Variants in LVRN observed in about 807,000 individuals in gnomAD.
LVRN encodes aminopeptidase Q.
LVRN carries 99 observed loss-of-function variants against 111.4 expected under a neutral mutation model. The observed-to-expected ratio is 0.89, with a 90% CI of 0.76 to 1.05. The LOEUF (loss-of-function observed/expected upper bound fraction) is 1.05, where lower values mean the gene tolerates loss of function less well. Among genes scored for constraint, LVRN ranks in the 50% least tolerant of loss-of-function variants. LVRN has a pLI of 0.00. For missense variants in LVRN, 1,414 were observed against 1,206.8 expected (o/e 1.17, Z -2.54); for synonymous variants, 488 against 449.5 (o/e 1.09, Z -1.08).
At chr5:116,007,729 T>G (rs1367691474) in intron 13 of LVRN, among the ~76,000 whole-genome samples, 1 of 152,240 alleles carries the variant, frequency 6.6e-6, no homozygotes, top group African/African-American at 2.4e-5. Context: ...TGTTACAAAT[T>G]GAAGATTTGT....
At position 115,962,827 on chromosome 5, in the gene LVRN, G is replaced by T. The variant is rs745829324; in HGVS notation, c.210G>T (p.Pro70=). 3 of 1,612,608 alleles carry T rather than the reference G, an allele frequency of 1.9e-6. No individual in the cohort carries two copies. The African/African-American group carries it at 4.0e-5, about 22-fold the overall frequency. Residue 70 remains proline (P), a synonymous_variant, in exon 1 of 20, where the codon CCG becomes CCT. Coordinates refer to ENST00000357872, the MANE Select transcript of LVRN (RefSeq NM_173800.5). ...TCAGGCAGAAGCCGACGCCAACCCC[G>T]AAACCCAGCAGTGCACGCGAGCTAG... ...PPLRQKPTPT[P]KPSSARELAV...
At chr5:116,017,645 T>G (rs943421361) in intron 18 of LVRN, among the ~76,000 whole-genome samples, 5 of 152,238 alleles carry the variant, frequency 3.3e-5, no homozygotes, top group Non-Finnish European at 5.9e-5. Context: ...AGGAGAGTGC[T>G]AAATATGTAA....
At chr5:115,983,882 T>A (rs1007654135) in intron 2 of LVRN, among the ~76,000 whole-genome samples, 1 of 152,218 alleles carries the variant, frequency 6.6e-6, no homozygotes, top group African/African-American at 2.4e-5. Context: ...CCTACAGCTC[T>A]TACGTGGCAG....
At chr5:116,015,507 T>A (rs910476903) in intron 17 of LVRN, 88 bp downstream of exon 17, 1 of 1,475,586 alleles carries the variant, frequency 6.8e-7, no homozygotes, top group Non-Finnish European at 9.0e-7. Flanking sequence ...AATGTAAGTA[T>A]TAAAACGTTG....
At chr5:115,973,291 T>C in intron 1 of LVRN, among the ~76,000 whole-genome samples, 1 of 152,240 alleles carries the variant, frequency 6.6e-6, no homozygotes, top group East Asian at 1.9e-4. Context: ...TAATATATTA[T>C]TAGATTTGAT....
At chr5:115,971,877 CT>C (rs1753335098) in intron 1 of LVRN, among the ~76,000 whole-genome samples, 1 of 152,000 alleles carries the variant, frequency 6.6e-6, no homozygotes, top group Admixed American at 6.5e-5. Context: ...GGGATTTTGA[CT>C]GAGATTATGT....
At chr5:115,967,861 A>G (rs1004163961) in intron 1 of LVRN, among the ~76,000 whole-genome samples, 1 of 152,178 alleles carries the variant, frequency 6.6e-6, no homozygotes, top group Non-Finnish European at 1.5e-5. Flanking sequence ...AAATGGTATT[A>G]TATGTTTAAT....
intron 4 of LVRN, among the ~76,000 whole-genome samples, chr5:115,989,283 C>T (rs574783686): frequency 4.0e-4 from 61 of 152,278 alleles, no homozygotes; most frequent in Admixed American, 7.8e-4. Context: ...TTGGCAGTTC[C>T]TGAGTGGGAA....
intron 18 of LVRN, among the ~76,000 whole-genome samples, chr5:116,019,696 A>G (rs1350166342): frequency 1.3e-5 from 2 of 152,248 alleles, no homozygotes; most frequent in Admixed American, 1.3e-4. Context: ...CAGAATCATC[A>G]TCATGAGTAC....
At chr5:116,014,085 G>C (rs1033089201) in intron 15 of LVRN, among the ~76,000 whole-genome samples, 1 of 152,176 alleles carries the variant, frequency 6.6e-6, no homozygotes, top group Non-Finnish European at 1.5e-5. Context: ...GGCAATTGCA[G>C]TAAAAGACAG....
chr5:116,010,544 C>T, intron 13 of LVRN, 197 bp from the exon 14 acceptor site: 1 of 641,178 alleles, frequency 1.6e-6, no homozygotes, highest in Non-Finnish European at 2.9e-6. Context: ...TTGAAAGTAC[C>T]AAATTGAAAT....
chr5:115,969,799 CAAA>C (rs35835980), intron 1 of LVRN, among the ~76,000 whole-genome samples: 15 of 113,852 alleles, frequency 1.3e-4, no homozygotes, highest in Admixed American at 9.6e-4. Flanking sequence ...GACTCGATCT[CAAA>C]AAAAAAAAAA....
chr5:115,983,054 T>C (rs2112571068), intron 1 of LVRN, among the ~76,000 whole-genome samples: 1 of 152,262 alleles, frequency 6.6e-6, no homozygotes. Flanking sequence ...ATAAAACAAA[T>C]ATTATTTTGT....
Position 115,988,788 on chromosome 5 carries a change from G to A in LVRN, c.1105+849G>A, listed in dbSNP as rs1561559448. ...CCTCGGCCCATTCAGAAATCCTGGA[G>A]GAAACACCTATCACTCAGGGAGTTG... On this transcript the variant is annotated intron_variant, in intron 4 of 19. Transcript: ENST00000357872. 2.6e-5 allele frequency among the ~76,000 whole-genome samples: 4 copies of A among 152,148 alleles called. No individual in the cohort carries two copies. In the South Asian group the frequency reaches 6.2e-4, roughly 24 times the overall value.
chr5:115,980,882 C>A (rs1273806312), intron 1 of LVRN, among the ~76,000 whole-genome samples: 4 of 152,152 alleles, frequency 2.6e-5, no homozygotes, highest in Non-Finnish European at 5.9e-5. Flanking sequence ...TTTCTCCCAA[C>A]TTTAGATGAC....
chr5:116,024,004 ATTATGT>A (rs914638133), intron 19 of LVRN, among the ~76,000 whole-genome samples: 5 of 152,244 alleles, frequency 3.3e-5, no homozygotes, highest in Admixed American at 3.3e-4. Flanking sequence ...TATCAAGGTG[ATTATGT>A]TTAGTAAAAG....
chr5:115,967,619 A>G (rs185893163), intron 1 of LVRN, among the ~76,000 whole-genome samples: 1 of 152,250 alleles, frequency 6.6e-6, no homozygotes, highest in East Asian at 1.9e-4. Flanking sequence ...TGATATTCTT[A>G]TATATAGCTA....
In LVRN at chr5:116,024,387, C is replaced by CA. The variant is rs369800875; in HGVS notation, c.2833-1582dup. Among the ~76,000 whole-genome samples the CA allele has an allele frequency of 5.8e-3, 860 of 148,492 alleles. 15 individuals are homozygous for CA. Among genetic ancestry groups the CA allele is most frequent in the African/African-American group, 0.019 (783 of 40,438 alleles). ...TAAAGGCCTGAAATATGATCCTAAG[C>CA]AAAAAAAAAGGACAAGTAGACAGTG... On this transcript the variant is annotated intron_variant, in intron 19 of 19. Coordinates refer to ENST00000357872, the MANE Select transcript of LVRN (RefSeq NM_173800.5).
At chr5:115,979,850 T>A (rs1465910120) in intron 1 of LVRN, among the ~76,000 whole-genome samples, 1 of 152,200 alleles carries the variant, frequency 6.6e-6, no homozygotes, top group Non-Finnish European at 1.5e-5. Context: ...ACTTGTTAAG[T>A]AGAGCTGTAG....
Sources: gnomAD v4.1 joint callset for allele counts (sites outside exome capture counted in the v4.1 genomes callset) on GRCh38, gnomAD v4.1.1 for gene constraint, MANE v1.5 for transcripts, NCBI Gene and HGNC (gene_info 2026-07-23, HGNC 2026-07-21) for gene names.